TMTC2: variants seen among roughly 807,000 people sequenced by gnomAD.
The protein encoded by TMTC2 is transmembrane O-mannosyltransferase targeting cadherins 2, also known as protein O-mannosyl-transferase TMTC2.
In TMTC2, 43 loss-of-function variants were observed where a neutral mutation model predicts 82.4. That is an observed-to-expected ratio of 0.52 (90% confidence interval 0.41 to 0.67). The LOEUF (loss-of-function observed/expected upper bound fraction) is 0.67. TMTC2 is among the 30% of genes least tolerant of loss of function. The pLI is 0.00. For missense variants in TMTC2, 919 were observed against 1,012.4 expected (o/e 0.91, Z 1.25); for synonymous variants, 408 against 381.9 (o/e 1.07, Z -0.80).
At chr12:83,099,382 G>T (rs564135610) in intron 11 of TMTC2, among the ~76,000 whole-genome samples, 2 of 152,200 alleles carry the variant, frequency 1.3e-5, no homozygotes, top group East Asian at 1.9e-4. Flanking sequence ...TTCTTACTGC[G>T]CACAACATCT....
chr12:82,692,501 C>T (rs925080492), intron 1 of TMTC2, among the ~76,000 whole-genome samples: 35 of 152,298 alleles, frequency 2.3e-4, no homozygotes, highest in African/African-American at 8.2e-4. Flanking sequence ...GGTGCGTTGT[C>T]TCTAAAGCAG....
At chr12:82,742,038 T>C (rs2136954431) in intron 1 of TMTC2, among the ~76,000 whole-genome samples, 1 of 152,282 alleles carries the variant, frequency 6.6e-6, no homozygotes, top group South Asian at 2.1e-4. Context: ...GAATGTCCCC[T>C]ACTGGAGCCC....
intron 8 of TMTC2, among the ~76,000 whole-genome samples, chr12:83,021,075 T>G (rs1434424): frequency 0.59 from 89,880 of 151,948 alleles, 27,115 homozygotes; most frequent in South Asian, 0.73. Flanking sequence ...TTTTTATAAT[T>G]CTTTTTATTA....
At chr12:82,966,495 G>A (rs1461870667) in intron 6 of TMTC2, among the ~76,000 whole-genome samples, 1 of 152,066 alleles carries the variant, frequency 6.6e-6, no homozygotes, top group Non-Finnish European at 1.5e-5. Context: ...TAATTTCTGT[G>A]GGTTTCAAGA....
chr12:82,747,978 A>G (rs1875776641), intron 1 of TMTC2, among the ~76,000 whole-genome samples: 1 of 152,196 alleles, frequency 6.6e-6, no homozygotes, highest in Non-Finnish European at 1.5e-5. Context: ...GGACTTTCTT[A>G]TTTGTTTTCT....
At chr12:82,877,640 A>T (rs1442793169) in intron 2 of TMTC2, among the ~76,000 whole-genome samples, 3 of 152,030 alleles carry the variant, frequency 2.0e-5, no homozygotes, top group Non-Finnish European at 4.4e-5. Flanking sequence ...CTTCCTTATA[A>T]CACTATATTC....
chr12:82,993,738 C>T (rs888589384), intron 8 of TMTC2, among the ~76,000 whole-genome samples: 1 of 152,138 alleles, frequency 6.6e-6, no homozygotes, highest in Non-Finnish European at 1.5e-5. Flanking sequence ...AGGTAACTTA[C>T]ATTTTGTCAT....
rs1319067869 is a variant in TMTC2 at position 83,133,105 on chromosome 12, C to G, written c.*716C>G. Reference sequence around the variant, plus strand: ...CGAGTTGTATGAGGGACTGGGGAGGCCTTATATGTGTCAGGCAGGCATTTT... The same window carrying G: ...CGAGTTGTATGAGGGACTGGGGAGGGCTTATATGTGTCAGGCAGGCATTTT... On this transcript the variant is annotated 3_prime_UTR_variant, in exon 12 of 12. Transcript: ENST00000321196. 1.3e-5 allele frequency: 2 copies of G among 152,142 alleles called. No homozygotes were observed. The highest frequency in any genetic ancestry group is 2.4e-5 in the African/African-American group (1 of 41,416). The allele number at this position is 152,142 out of a possible 1,614,324, so 9.4% of individuals were successfully genotyped here.
chr12:82,810,995 T>C (rs948567737), intron 1 of TMTC2, among the ~76,000 whole-genome samples: 2 of 152,044 alleles, frequency 1.3e-5, no homozygotes, highest in Non-Finnish European at 2.9e-5. Context: ...TTTGGGAGGC[T>C]GAGGCAGGTG....
At chr12:82,701,613 T>A (rs1400733128) in intron 1 of TMTC2, among the ~76,000 whole-genome samples, 3 of 122,850 alleles carry the variant, frequency 2.4e-5, no homozygotes, top group South Asian at 2.9e-4. Context: ...AAAAAAAAAA[T>A]TTCTGGGTGT....
intron 11 of TMTC2, among the ~76,000 whole-genome samples, chr12:83,067,318 A>C (rs1191580021): frequency 1.3e-5 from 2 of 151,988 alleles, no homozygotes; most frequent in Non-Finnish European, 2.9e-5. Flanking sequence ...TGATGTTTGG[A>C]AATAAATATT....
chr12:82,803,639 G>A (rs980666025), intron 1 of TMTC2, among the ~76,000 whole-genome samples: 4 of 152,088 alleles, frequency 2.6e-5, no homozygotes, highest in African/African-American at 9.7e-5. Context: ...AGGGAAAAAT[G>A]CTTCGGTTGA....
chr12:82,909,400 T>A (rs1874498935), intron 3 of TMTC2, among the ~76,000 whole-genome samples: 1 of 152,142 alleles, frequency 6.6e-6, no homozygotes, highest in Non-Finnish European at 1.5e-5. Context: ...GGTATAGTGG[T>A]GCGATCTCGG....
At chr12:83,057,513 A>C (rs899889242) in intron 10 of TMTC2, among the ~76,000 whole-genome samples, 1 of 151,946 alleles carries the variant, frequency 6.6e-6, no homozygotes, top group African/African-American at 2.4e-5. Flanking sequence ...CTCTGGTTTC[A>C]CTATTTTAAG....
intron 8 of TMTC2, among the ~76,000 whole-genome samples, chr12:82,994,130 C>T (rs1158519161): frequency 6.6e-6 from 1 of 152,048 alleles, no homozygotes; most frequent in African/African-American, 2.4e-5. Context: ...TTATTAACTC[C>T]CCAGGGGTCC....
intron 1 of TMTC2, among the ~76,000 whole-genome samples, chr12:82,788,866 A>T (rs954409763): frequency 1.3e-5 from 2 of 152,040 alleles, no homozygotes; most frequent in Non-Finnish European, 2.9e-5. Context: ...TTCTGAATGG[A>T]CTTTTACAGG....
At chr12:83,007,095 A>G (rs1403711821) in intron 8 of TMTC2, among the ~76,000 whole-genome samples, 1 of 152,084 alleles carries the variant, frequency 6.6e-6, no homozygotes, top group African/African-American at 2.4e-5. Flanking sequence ...AAAGTATAAT[A>G]GAAAAAAACC....
intron 8 of TMTC2, among the ~76,000 whole-genome samples, chr12:83,029,387 ATTC>A (rs764132859): frequency 1.3e-5 from 2 of 152,182 alleles, no homozygotes; most frequent in Admixed American, 6.5e-5. Flanking sequence ...GCCCAAGACA[ATTC>A]TTCTTCCAAT....
At chr12:83,017,848 T>C (rs951332268) in intron 8 of TMTC2, among the ~76,000 whole-genome samples, 2 of 151,836 alleles carry the variant, frequency 1.3e-5, no homozygotes, top group Non-Finnish European at 2.9e-5. Context: ...ATCAGTGGCT[T>C]TTCATGACTG....
Sources: gnomAD v4.1 joint callset for allele counts (sites outside exome capture counted in the v4.1 genomes callset) on GRCh38, gnomAD v4.1.1 for gene constraint, MANE v1.5 for transcripts, NCBI Gene and HGNC (gene_info 2026-07-23, HGNC 2026-07-21) for gene names.